CDH18: variants seen among roughly 807,000 people sequenced by gnomAD.
CDH18 encodes cadherin 18.
A neutral mutation model predicts 67.9 loss-of-function variants in CDH18; 31 were observed. That is an observed-to-expected ratio of 0.46 (90% CI 0.34 to 0.62). The LOEUF (loss-of-function observed/expected upper bound fraction) is 0.62, where lower values mean the gene tolerates loss of function less well. Ranked by LOEUF, CDH18 falls within the 20% of genes least tolerant of loss-of-function variation. The pLI is 0.01. For missense variants in CDH18, 890 were observed against 975.5 expected, an observed-to-expected ratio of 0.91 and a Z score of 1.17; for synonymous variants, 362 against 347.2, an observed-to-expected ratio of 1.04 and a Z score of -0.48.
At chr5:19,992,783 A>G (rs1026401312), upstream of CDH18, among the ~76,000 whole-genome samples, 1 of 152,132 alleles carries the variant, frequency 6.6e-6, no homozygotes, top group Admixed American at 6.5e-5. Context: ...TTTCTACATC[A>G]TCATCATCGT....
At chr5:19,970,208 A>G (rs1434754322) in intron 2 of CDH18, among the ~76,000 whole-genome samples, 1 of 151,474 alleles carries the variant, frequency 6.6e-6, no homozygotes, top group Non-Finnish European at 1.5e-5. Context: ...AAATTCATCA[A>G]TGAATAAATT....
rs180683274 is a variant in CDH18 at position 19,849,519 on chromosome 5, T to C, written c.-256-10277A>G. Among the ~76,000 whole-genome samples, 1,071 of 151,568 alleles carry C rather than the reference T, an allele frequency of 7.1e-3. 14 individuals carry two copies. Among genetic ancestry groups the C allele is most frequent in the Non-Finnish European group, 7.8e-3 (531 of 67,858 alleles). On this transcript the variant is annotated intron_variant, in intron 2 of 12. Coordinates refer to ENST00000382275, the MANE Select transcript of CDH18 (RefSeq NM_004934.5). Reference sequence around the variant, plus strand: ...TCATACAATACCCAGATGCCATAAATGTACGCTTTGTGTTGAATTTGTTAA... The same window carrying C: ...TCATACAATACCCAGATGCCATAAACGTACGCTTTGTGTTGAATTTGTTAA...
At chr5:20,450,109 G>A (rs527589514) in intron 1 of CDH18, among the ~76,000 whole-genome samples, 53 of 152,022 alleles carry the variant, frequency 3.5e-4, no homozygotes, top group African/African-American at 1.2e-3. Context: ...AGGCTGAGGC[G>A]GGTGGATCAC....
intron 3 of CDH18, among the ~76,000 whole-genome samples, chr5:19,780,961 A>G (rs1775042536): frequency 6.6e-6 from 1 of 152,148 alleles, no homozygotes; most frequent in South Asian, 2.1e-4. Context: ...CTATAGAATA[A>G]TATGAAATTA....
intron 2 of CDH18, among the ~76,000 whole-genome samples, chr5:20,214,847 CT>C (rs981998769): frequency 6.6e-6 from 1 of 151,932 alleles, no homozygotes; most frequent in African/African-American, 2.4e-5. Context: ...CAAATGTAAT[CT>C]AATTAAACTA....
At chr5:20,500,587 G>A (rs1321738395) in intron 1 of CDH18, among the ~76,000 whole-genome samples, 1 of 152,094 alleles carries the variant, frequency 6.6e-6, no homozygotes, top group Non-Finnish European at 1.5e-5. Context: ...AGAACTGTGA[G>A]GCTTAGATCT....
intron 3 of CDH18, among the ~76,000 whole-genome samples, chr5:19,769,333 C>T (rs1306109706): frequency 1.3e-5 from 2 of 152,014 alleles, no homozygotes; most frequent in African/African-American, 2.4e-5. Context: ...TTGTTACCTG[C>T]AAGACATTGA....
chr5:20,182,597 C>CAAAAAAAAA (rs778083062), intron 2 of CDH18, among the ~76,000 whole-genome samples: 2 of 47,386 alleles, frequency 4.2e-5, no homozygotes, highest in African/African-American at 7.8e-5. Context: ...AGCTAAATCT[C>CAAAAAAAAA]AAAAAAAAAA....
At chr5:19,890,639 G>GGCAGGAGT (rs201890796) in intron 2 of CDH18, among the ~76,000 whole-genome samples, 1,752 of 148,566 alleles carry the variant, frequency 0.012, 32 homozygotes, top group African/African-American at 0.042. Context: ...CTGTCGCCCA[G>GGCAGGAGT]GCAGGAGTGC....
intron 1 of CDH18, among the ~76,000 whole-genome samples, chr5:20,533,028 T>C (rs1169698090): frequency 1.3e-5 from 2 of 152,010 alleles, no homozygotes; most frequent in East Asian, 3.9e-4. Flanking sequence ...CCAGCGGTGA[T>C]CAAGTTAAAA....
At chr5:19,844,934 G>T (rs989212074) in intron 2 of CDH18, among the ~76,000 whole-genome samples, 1 of 151,990 alleles carries the variant, frequency 6.6e-6, no homozygotes. Context: ...TTTATTTGTT[G>T]CTTTTTATGC....
intron 2 of CDH18, among the ~76,000 whole-genome samples, chr5:19,879,224 G>T (rs1003470820): frequency 6.6e-6 from 1 of 151,834 alleles, no homozygotes; most frequent in African/African-American, 2.4e-5. Flanking sequence ...ATTTTTATGG[G>T]GTGGTAAGAA....
At chr5:19,851,724 T>G (rs1783723189) in intron 2 of CDH18, among the ~76,000 whole-genome samples, 1 of 151,568 alleles carries the variant, frequency 6.6e-6, no homozygotes, top group African/African-American at 2.4e-5. Flanking sequence ...TTCAATATCT[T>G]ACTGGGGAAT....
intron 2 of CDH18, among the ~76,000 whole-genome samples, chr5:20,012,476 G>A (rs1737536207): frequency 2.0e-5 from 3 of 147,370 alleles, no homozygotes; most frequent in African/African-American, 7.5e-5. Context: ...CATCAATTTT[G>A]TTGAAGCTGA....
intron 3 of CDH18, among the ~76,000 whole-genome samples, chr5:19,804,893 G>A (rs908344427): frequency 1.3e-5 from 2 of 151,870 alleles, no homozygotes; most frequent in Admixed American, 1.3e-4. Context: ...CTCTTCAGGA[G>A]AAAATAGCCA....
intron 5 of CDH18, among the ~76,000 whole-genome samples, chr5:19,704,220 C>A (rs776611915): frequency 6.6e-6 from 1 of 152,118 alleles, no homozygotes; most frequent in Non-Finnish European, 1.5e-5. Flanking sequence ...TTGGTAGATA[C>A]AGGAGCAGAC....
At chr5:20,397,438 T>C (rs1338462659) in intron 1 of CDH18, among the ~76,000 whole-genome samples, 3 of 152,118 alleles carry the variant, frequency 2.0e-5, no homozygotes, top group African/African-American at 7.2e-5. Context: ...GGCCAGGATT[T>C]TTTTGACTAT....
intron 1 of CDH18, among the ~76,000 whole-genome samples, chr5:20,308,933 G>A (rs1216874598): frequency 6.6e-6 from 1 of 152,048 alleles, no homozygotes; most frequent in Non-Finnish European, 1.5e-5. Context: ...AATCGTATAA[G>A]GTTTTGATTT....
intron 2 of CDH18, among the ~76,000 whole-genome samples, chr5:20,153,835 A>C (rs1751317469): frequency 6.6e-6 from 1 of 152,206 alleles, no homozygotes. Flanking sequence ...TTTTATAATA[A>C]GTAGCTCCTT....
Sources: gnomAD v4.1 joint callset for allele counts (sites outside exome capture counted in the v4.1 genomes callset) on GRCh38, gnomAD v4.1.1 for gene constraint, MANE v1.5 for transcripts, NCBI Gene and HGNC (gene_info 2026-07-23, HGNC 2026-07-21) for gene names.